The following PCSK5 variants were observed in gnomAD, a reference collection of about 807,000 sequenced individuals.
The protein encoded by PCSK5 is proprotein convertase subtilisin/kexin type 5, also known as prohormone convertase 5.
PCSK5 carries 129 observed loss-of-function variants against 233.2 expected under a neutral mutation model. The ratio of observed to expected loss-of-function variants is 0.55; its 90% confidence interval spans 0.48 to 0.64. The LOEUF (loss-of-function observed/expected upper bound fraction) is 0.64, where lower values mean the gene tolerates loss of function less well. Ranked by LOEUF, PCSK5 falls within the 30% of genes least tolerant of loss-of-function variation. The pLI is 0.00. For synonymous variants in PCSK5, 825 were observed against 879.2 expected (o/e 0.94, Z 1.09); for missense variants, 2,076 against 2,430.1 (o/e 0.85, Z 3.06).
chr9:76,080,852 A>G (rs1236226586), intron 7 of PCSK5, among the ~76,000 whole-genome samples: 1 of 152,218 alleles, frequency 6.6e-6, no homozygotes, highest in East Asian at 1.9e-4. Context: ...CATTATCACT[A>G]TTTAAAATGG....
At chr9:75,975,769 A>G (rs561657823) in intron 2 of PCSK5, among the ~76,000 whole-genome samples, 104 of 152,352 alleles carry the variant, frequency 6.8e-4, no homozygotes, top group African/African-American at 2.5e-3. Flanking sequence ...GTGATGTAAC[A>G]TATATTTACT....
At chr9:76,344,565 A>C (rs571663281) in intron 35 of PCSK5, among the ~76,000 whole-genome samples, 101 of 152,320 alleles carry the variant, frequency 6.6e-4, no homozygotes, top group African/African-American at 2.4e-3. Flanking sequence ...AGATGAGAAA[A>C]TACACTGAAT....
chr9:76,334,534 C>A (rs1236814186), intron 34 of PCSK5, among the ~76,000 whole-genome samples: 2 of 152,084 alleles, frequency 1.3e-5, no homozygotes, highest in African/African-American at 2.4e-5. Context: ...AGTTTGAGAC[C>A]AGCCTGGCCA....
chr9:76,009,017 T>G (rs1379531485), intron 3 of PCSK5, among the ~76,000 whole-genome samples: 1 of 152,186 alleles, frequency 6.6e-6, no homozygotes, highest in Non-Finnish European at 1.5e-5. Context: ...TATCTGAAAT[T>G]CAAATTTAAC....
chr9:75,973,046 A>C (rs2131368184), intron 2 of PCSK5, among the ~76,000 whole-genome samples: 1 of 151,882 alleles, frequency 6.6e-6, no homozygotes, highest in East Asian at 1.9e-4. Context: ...GACTGGGTTA[A>C]GTCACTTAAC....
chr9:76,084,491 G>C (rs1830982138), intron 7 of PCSK5, among the ~76,000 whole-genome samples: 1 of 152,160 alleles, frequency 6.6e-6, no homozygotes. Context: ...TCTACTCCTA[G>C]ATTAATCAGT....
chr9:76,078,232 G>T (rs1477928248), intron 7 of PCSK5, among the ~76,000 whole-genome samples: 1 of 152,000 alleles, frequency 6.6e-6, no homozygotes, highest in Non-Finnish European at 1.5e-5. Flanking sequence ...CCATTCTGTA[G>T]GTTATTTATT....
intron 6 of PCSK5, 28 bp from the exon 7 acceptor site, chr9:76,071,698 T>C (rs777168648): frequency 8.8e-6 from 14 of 1,585,724 alleles, no homozygotes; most frequent in South Asian, 1.1e-5. Context: ...AGCCCTGTAA[T>C]GAGCTAGTTC....
intron 3 of PCSK5, among the ~76,000 whole-genome samples, chr9:75,989,626 G>A (rs907594181): frequency 1.8e-4 from 27 of 152,120 alleles, no homozygotes; most frequent in Admixed American, 9.2e-4. Flanking sequence ...TGGTGAGAGC[G>A]GGAAGCTAGA....
rs780256463 is a variant in PCSK5 at position 76,169,634 on chromosome 9, G to A, written c.1620-70G>A. Reference sequence around the variant, plus strand: ...GCTAATGGATACAAAAAACAGTGTCGATTGTGGTATTAACTAGACCCTCAT... The same window carrying A: ...GCTAATGGATACAAAAAACAGTGTCAATTGTGGTATTAACTAGACCCTCAT... On this transcript the variant is annotated intron_variant, in intron 12 of 37. Transcript: ENST00000674117. The A allele has an allele frequency of 8.0e-5, 119 of 1,478,812 alleles. No homozygotes were observed. In the Admixed American group the frequency reaches 1.1e-3, roughly 13 times the overall value. The allele number at this position is 1,478,812 out of a possible 1,614,324, so 91.6% of individuals were successfully genotyped here.
At position 76,128,027 on chromosome 9, in the gene PCSK5, A is replaced by C. The variant is rs528205940; in HGVS notation, c.1209-6082A>C. On this transcript the variant is annotated intron_variant, in intron 9 of 37. Transcript: ENST00000674117. ...AGAATGCAAAACAAAATTTATTATT[A>C]TTTTGAATGAGAAATAGAAATGAGG... Among the ~76,000 whole-genome samples, 38 of 152,316 alleles carry C rather than the reference A, an allele frequency of 2.5e-4. 2 individuals are homozygous for C. Among genetic ancestry groups the C allele is most frequent in the Admixed American group, 9.2e-4 (14 of 15,298 alleles).
intron 24 of PCSK5, among the ~76,000 whole-genome samples, chr9:76,264,861 A>T (rs1827286592): frequency 6.6e-6 from 1 of 152,172 alleles, no homozygotes; most frequent in African/African-American, 2.4e-5. Context: ...GTTTGACCCA[A>T]CAATCCCATT....
intron 24 of PCSK5, among the ~76,000 whole-genome samples, chr9:76,244,586 T>G (rs1826528279): frequency 6.7e-6 from 1 of 149,976 alleles, no homozygotes; most frequent in Non-Finnish European, 1.5e-5. Context: ...TTTTTTAGCT[T>G]TGTATTCCTT....
chr9:75,943,612 G>A (rs1003595849), intron 2 of PCSK5, among the ~76,000 whole-genome samples: 4 of 152,224 alleles, frequency 2.6e-5, no homozygotes, highest in African/African-American at 9.6e-5. Context: ...GCAATAAGAC[G>A]CAGTGGAAAG....
chr9:76,323,220 A>C lies in PCSK5; in HGVS notation c.4271A>C (p.Tyr1424Ser), dbSNP rs776274862. Residue 1424 changes from tyrosine (Y) to serine (S), a missense_variant, in exon 32 of 38, where the codon TAT becomes TCT. This residue lies in a region of PCSK5 where 1,510 missense variants were observed against 1,538.1 expected (regional missense o/e 0.98). Coordinates refer to ENST00000674117, the MANE Select transcript of PCSK5 (RefSeq NM_001372043.1). Reference protein sequence around the residue: ...ELCLESSWVLYDGLCLEECPA... With the variant: ...ELCLESSWVLSDGLCLEECPA... ...TGTCTTGAGAGTTCCTGGGTCCTCT[A>C]TGATGGACTGTGCTTGGAGGAGTGT... The C allele has an allele frequency of 3.7e-6, 6 of 1,612,702 alleles. No individual in the cohort carries two copies. Among genetic ancestry groups the C allele is most frequent in the Non-Finnish European group, 5.1e-6 (6 of 1,179,858 alleles).
At position 75,942,963 on chromosome 9, in the gene PCSK5, C is replaced by T. The variant is rs1301097873; in HGVS notation, c.297+10480C>T. On this transcript the variant is annotated intron_variant, in intron 2 of 37. Coordinates refer to ENST00000674117, the MANE Select transcript of PCSK5 (RefSeq NM_001372043.1). ...GCAGTGGCGCGATCTTGGCTCACTG[C>T]AGCCTCTGCCTTCCGGGTTCCAGCT... 3.4e-5 allele frequency among the ~76,000 whole-genome samples: 5 copies of T among 146,762 alleles called. No homozygotes were observed. In the East Asian group the frequency reaches 1.0e-3, roughly 30 times the overall value.
At chr9:76,043,556 G>C (rs1408677473) in intron 5 of PCSK5, among the ~76,000 whole-genome samples, 3 of 151,982 alleles carry the variant, frequency 2.0e-5, no homozygotes, top group Non-Finnish European at 1.5e-5. Context: ...TTTTCTTTCA[G>C]ATGTCACGTG....
chr9:76,095,464 G>T (rs559675827), intron 7 of PCSK5, among the ~76,000 whole-genome samples: 51 of 152,106 alleles, frequency 3.4e-4, no homozygotes, highest in African/African-American at 1.2e-3. Flanking sequence ...TTCAAATTTT[G>T]GCCCTACCAC....
In PCSK5 at chr9:75,967,351, G is replaced by A. The variant is rs892594268; in HGVS notation, c.298-18781G>A. Among the ~76,000 whole-genome samples, 7 of 152,152 alleles carry A rather than the reference G, an allele frequency of 4.6e-5. No individual in the cohort carries two copies. In the South Asian group the frequency reaches 1.2e-3, roughly 27 times the overall value. ...TGTAAGTGAGAACATAGCGGCATGT[G>A]GTTTTCTGTTCCTGCATTAATTTGC... On this transcript the variant is annotated intron_variant, in intron 2 of 37. Coordinates refer to ENST00000674117, the MANE Select transcript of PCSK5 (RefSeq NM_001372043.1).
Sources: gnomAD v4.1 joint callset for allele counts (sites outside exome capture counted in the v4.1 genomes callset) on GRCh38, gnomAD v4.1.1 for gene constraint, gnomAD v4.1.1 regional missense constraint, MANE v1.5 for transcripts, NCBI Gene and HGNC (gene_info 2026-07-23, HGNC 2026-07-21) for gene names.